BCAS3: variants seen among roughly 807,000 people sequenced by gnomAD.
BCAS3 encodes BCAS4/BCAS3 fusion.
In BCAS3, 53 loss-of-function variants were observed where a neutral mutation model predicts 116.1. The ratio of observed to expected loss-of-function variants is 0.46; its 90% CI spans 0.37 to 0.57. BCAS3 has a LOEUF of 0.57. BCAS3 is among the 20% of genes least tolerant of loss of function. BCAS3 has a pLI of 0.00. For synonymous variants in BCAS3, 391 were observed against 408.2 expected (o/e 0.96, Z 0.51); for missense variants, 917 against 1,165.4 (o/e 0.79, Z 3.10).
chr17:61,192,246 C>CAAAAAAA (rs60456812), intron 22 of BCAS3, among the ~76,000 whole-genome samples: 3 of 70,686 alleles, frequency 4.2e-5, no homozygotes, highest in South Asian at 9.2e-4. Flanking sequence ...GCTCTGTTAC[C>CAAAAAAA]AAAAAAAAAA....
chr17:61,067,924 C>T (rs1393649826), intron 19 of BCAS3, among the ~76,000 whole-genome samples: 5 of 151,950 alleles, frequency 3.3e-5, no homozygotes, highest in African/African-American at 9.7e-5. Flanking sequence ...TGCCTTTGCT[C>T]GTTGATGTAT....
intron 14 of BCAS3, among the ~76,000 whole-genome samples, chr17:60,965,922 A>G (rs573432298): frequency 2.0e-5 from 3 of 152,308 alleles, no homozygotes; most frequent in Admixed American, 2.0e-4. Context: ...TGATTTGTCC[A>G]TTACTGGAGT....
chr17:60,932,733 CT>C (rs2059718089), intron 13 of BCAS3, among the ~76,000 whole-genome samples: 1 of 109,580 alleles, frequency 9.1e-6, no homozygotes, highest in Non-Finnish European at 1.7e-5. Context: ...CAGAGCGAGA[CT>C]CTTGTCTCAA....
chr17:60,992,189 T>TACACACACACACACAC (rs576760115), intron 15 of BCAS3, among the ~76,000 whole-genome samples: 4 of 130,652 alleles, frequency 3.1e-5, no homozygotes, highest in Non-Finnish European at 4.9e-5. Flanking sequence ...TCCGATGACT[T>TACACACACACACACAC]ACACACACAC....
chr17:61,119,835 A>G (rs957557903), intron 22 of BCAS3, among the ~76,000 whole-genome samples: 1 of 152,122 alleles, frequency 6.6e-6, no homozygotes, highest in Non-Finnish European at 1.5e-5. Context: ...TACTATTTCT[A>G]TAAACAAGTG....
intron 22 of BCAS3, among the ~76,000 whole-genome samples, chr17:61,318,879 G>A (rs2054963789): frequency 6.6e-6 from 1 of 152,222 alleles, no homozygotes; most frequent in Non-Finnish European, 1.5e-5. Flanking sequence ...TATTGGCCAT[G>A]TGCTAGCTGA....
rs1841946833 is a variant in BCAS3, at chr17:61,088,784, C to T, written c.2425+4220C>T. ...AACAAAGAACTCAGATAATTGAGAT[C>T]GAAAGACAAACTTATGCGTGACTCA... On this transcript the variant is annotated intron_variant, in intron 22 of 23. Coordinates refer to ENST00000407086, the MANE Select transcript of BCAS3 (RefSeq NM_017679.5). This position sits in a 1 kb window ranked among gnomAD's most constrained non-coding sequence, Gnocchi z 4.2. 6.6e-6 allele frequency among the ~76,000 whole-genome samples: 1 copy of T among 152,136 alleles called. No individual in the cohort carries two copies.
Position 61,180,881 on chromosome 17 carries a change from C to G in BCAS3, c.2425+96317C>G, listed in dbSNP as rs1601763158. ...GGGTCTTATCTTTTGTCATTGCATC[C>G]CTAGTTAGAATAGTCCCTGATGGAT... On this transcript the variant is annotated intron_variant, in intron 22 of 23. Coordinates refer to ENST00000407086, the MANE Select transcript of BCAS3 (RefSeq NM_017679.5). This position sits in a 1 kb window ranked among gnomAD's most constrained non-coding sequence, Gnocchi z 6.0. 6.6e-6 allele frequency among the ~76,000 whole-genome samples: 1 copy of G among 152,042 alleles called. No individual in the cohort carries two copies. The highest frequency in any genetic ancestry group is 2.1e-4 in the South Asian group (1 of 4,808).
At chr17:61,338,936 A>G (rs2056937882) in intron 22 of BCAS3, among the ~76,000 whole-genome samples, 2 of 150,668 alleles carry the variant, frequency 1.3e-5, no homozygotes, top group African/African-American at 4.9e-5. Context: ...AAAAACAGCA[A>G]ATAAGATGAA....
At chr17:60,762,675 A>G (rs574817723) in intron 6 of BCAS3, among the ~76,000 whole-genome samples, 2 of 152,254 alleles carry the variant, frequency 1.3e-5, no homozygotes, top group South Asian at 4.2e-4. Flanking sequence ...TTGTCTTGGC[A>G]ATGCGGGCTC....
Position 60,990,153 on chromosome 17 carries a change from A to G in BCAS3, c.1404A>G (p.Glu468=), listed in dbSNP as rs1028034711. 6.2e-7 allele frequency: 1 copy of G among 1,614,204 alleles called. No homozygotes were observed. Among genetic ancestry groups the G allele is most frequent in the Non-Finnish European group, 8.5e-7 (1 of 1,180,042 alleles). The change falls in exon 15 of 24, where the codon GAA becomes GAG. Residue 468 remains glutamate (E), a synonymous_variant. Coordinates refer to ENST00000407086, the MANE Select transcript of BCAS3 (RefSeq NM_017679.5). This position sits in a 1 kb window ranked among gnomAD's most constrained non-coding sequence, Gnocchi z 5.1. ...FQKSAGLEEI[E]QELTSKQGGR... Reference sequence around the variant, plus strand: ...AAAGTGCTGGACTGGAAGAGATTGAACAAGAACTGACGTCTAAGCAAGGAG... The same window carrying G: ...AAAGTGCTGGACTGGAAGAGATTGAGCAAGAACTGACGTCTAAGCAAGGAG...
chr17:60,787,320 T>C (rs1432573956), intron 6 of BCAS3, among the ~76,000 whole-genome samples: 2 of 152,220 alleles, frequency 1.3e-5, no homozygotes, highest in Non-Finnish European at 1.5e-5. Context: ...ACCAGTAGCT[T>C]CTACTGCTCT....
At chr17:61,187,666 A>G (rs1338794817) in intron 22 of BCAS3, among the ~76,000 whole-genome samples, 1 of 152,192 alleles carries the variant, frequency 6.6e-6, no homozygotes, top group Non-Finnish European at 1.5e-5. Flanking sequence ...TGTCATTAGC[A>G]GTAACAATTT....
chr17:61,295,546 C>T (rs956187947), intron 22 of BCAS3, among the ~76,000 whole-genome samples: 6 of 152,192 alleles, frequency 3.9e-5, no homozygotes, highest in Admixed American at 2.0e-4. Context: ...CAGTGCCTTC[C>T]TGATGAGGGT....
At chr17:61,166,544 T>C (rs2078515646) in intron 22 of BCAS3, among the ~76,000 whole-genome samples, 3 of 151,718 alleles carry the variant, frequency 2.0e-5, no homozygotes, top group Non-Finnish European at 4.4e-5. Flanking sequence ...ATTACAGCCA[T>C]GCACCACCAT....
intron 3 of BCAS3, among the ~76,000 whole-genome samples, chr17:60,688,710 G>C (rs977567559): frequency 2.0e-5 from 3 of 151,876 alleles, no homozygotes; most frequent in South Asian, 2.1e-4. Flanking sequence ...CAGCTACTTG[G>C]GAGGCTGAGG....
intron 10 of BCAS3, among the ~76,000 whole-genome samples, chr17:60,890,096 GA>G (rs1433550972): frequency 6.6e-6 from 1 of 152,206 alleles, no homozygotes; most frequent in Non-Finnish European, 1.5e-5. Flanking sequence ...TGACTTTTTA[GA>G]AATCAGGAGG....
chr17:61,078,233 T>A, intron 20 of BCAS3, 100 bp from the exon 21 acceptor site: 1 of 900,858 alleles, frequency 1.1e-6, no homozygotes, highest in Non-Finnish European at 1.7e-6. Context: ...AACATGGGCT[T>A]CTTGAAGAAT....
Position 60,967,379 on chromosome 17 carries a change from G to A in BCAS3, c.1221+20027G>A, listed in dbSNP as rs542742502. On this transcript the variant is annotated intron_variant, in intron 14 of 23. Coordinates refer to ENST00000407086, the MANE Select transcript of BCAS3 (RefSeq NM_017679.5). The surrounding 1 kb of genome is among the most constrained non-coding windows in gnomAD (Gnocchi z 4.7). ...TGAAAATGTTGTTATACTCCCTCCT[G>A]GCTTATATGATTTACACTGGGAAGT... is the stretch of plus-strand genomic sequence containing the variant. Among the ~76,000 whole-genome samples the A allele has an allele frequency of 6.6e-6, 1 of 152,010 alleles. No homozygotes were observed. Among genetic ancestry groups the A allele is most frequent in the Non-Finnish European group, 1.5e-5 (1 of 68,004 alleles).
Sources: gnomAD v4.1 joint callset for allele counts (sites outside exome capture counted in the v4.1 genomes callset) on GRCh38, gnomAD v4.1.1 for gene constraint, Gnocchi (gnomAD v3.1) non-coding constraint, MANE v1.5 for transcripts, NCBI Gene and HGNC (gene_info 2026-07-23, HGNC 2026-07-21) for gene names.